The following FANCA variants were observed in gnomAD, a reference collection of about 807,000 sequenced individuals.
FANCA encodes Fanconi anemia group A protein.
Under a neutral mutation model 194.3 loss-of-function variants are expected in FANCA, and 236 were observed. The ratio of observed to expected loss-of-function variants is 1.21; its 90% CI spans 1.09 to 1.35. FANCA has a LOEUF of 1.35. Among genes scored for constraint, FANCA ranks in the 40% most tolerant of loss-of-function variants. The pLI is 0.00. For synonymous variants in FANCA, 1,014 were observed against 715.8 expected (o/e 1.42, Z -6.65); for missense variants, 2,628 against 1,813.9 (o/e 1.45, Z -8.15).
intron 17 of FANCA, among the ~76,000 whole-genome samples, chr16:89,780,677 C>G (rs961239444): frequency 1.3e-5 from 2 of 151,056 alleles, no homozygotes; most frequent in Non-Finnish European, 2.9e-5. Context: ...ATCTGTAATC[C>G]CAGCATTTTG....
chr16:89,810,584 C>T, intron 5 of FANCA, 123 bp downstream of exon 5: 4 of 767,296 alleles, frequency 5.2e-6, no homozygotes, highest in African/African-American at 1.7e-5. Context: ...TTCATCCACT[C>T]TCTGTAATTA....
chr16:89,738,893 G>C lies in FANCA; in HGVS notation c.4249C>G (p.His1417Asp), dbSNP rs17227403. Residue 1417 changes from histidine to aspartate, a missense_variant, in exon 42 of 43, where the codon CAC becomes GAC. Coordinates refer to ENST00000389301, the MANE Select transcript of FANCA (RefSeq NM_000135.4). Reference protein sequence around the residue: ...IPRCPKKSFSHVAELLADRGD... With the variant: ...IPRCPKKSFSDVAELLADRGD... ...CATCTTGACGTTACCTCTGCCACGT[G>C]TGAGAAGCTCTTTTTCGGGCACCGA... 4.1e-3 allele frequency: 6,657 copies of C among 1,614,250 alleles called. 16 individuals carry two copies. Among genetic ancestry groups the C allele is most frequent in the Non-Finnish European group, 4.5e-3 (5,354 of 1,180,046 alleles).
chr16:89,789,436 CTTTTTTTT>C (rs532159256), intron 14 of FANCA, among the ~76,000 whole-genome samples: 4 of 102,556 alleles, frequency 3.9e-5, no homozygotes, highest in South Asian at 3.3e-4. Context: ...AAACTCAATA[CTTTTTTTT>C]TTTTTTTTTT....
At chr16:89,790,752 AG>A (rs1567634911) in intron 14 of FANCA, among the ~76,000 whole-genome samples, 1 of 151,110 alleles carries the variant, frequency 6.6e-6, no homozygotes, top group Non-Finnish European at 1.5e-5. Flanking sequence ...AAAAAAAAAA[AG>A]GGAAAATAAG....
rs1235279691 is a variant in FANCA at position 89,779,922 on chromosome 16, G to T, written c.1662C>A (p.Ala554=). 1 of 1,614,020 alleles carries T rather than the reference G, an allele frequency of 6.2e-7. No individual in the cohort carries two copies. The highest frequency in any genetic ancestry group is 8.5e-7 in the Non-Finnish European group (1 of 1,180,044). ...TCCCCGTATGCTCAAACACCATGAT[G>T]GCCTTTTCAACATCCTGAAGAGCTT... ...HSQALQDVEK[A]IMVFEHTGNI... The change falls in exon 18 of 43, where the codon GCC becomes GCA. Residue 554 remains alanine (A), a synonymous_variant. Coordinates refer to ENST00000389301, the MANE Select transcript of FANCA (RefSeq NM_000135.4).
chr16:89,793,032 T>C (rs2040129809), intron 11 of FANCA, among the ~76,000 whole-genome samples: 1 of 152,172 alleles, frequency 6.6e-6, no homozygotes, highest in Admixed American at 6.5e-5. Context: ...GAAGGTGGAC[T>C]AGGAGCGTGA....
Position 89,740,009 on chromosome 16 carries a change from GAA to G in FANCA, c.3917_3918del (p.Phe1306SerfsTer6), listed in dbSNP as rs1281446470. The G allele has an allele frequency of 1.2e-6, 2 of 1,614,082 alleles. No individual in the cohort carries two copies. Among genetic ancestry groups the G allele is most frequent in the Non-Finnish European group, 1.7e-6 (2 of 1,180,020 alleles). On this transcript the variant is annotated frameshift_variant, in exon 39 of 43. Transcript: ENST00000389301. LOFTEE classifies it high-confidence loss of function. ...EKRKISWLAL[F>X]QLTESDLRLG... ...TGTTTCTTACCACTCTCTGTCAACT[GAA>G]AGAGTGCCAGCCAGGATATCTTCCT...
In FANCA at chr16:89,767,253, A is replaced by G. The variant is rs2039161791; in HGVS notation, c.2505-16T>C. On this transcript the variant is annotated splice_polypyrimidine_tract_variant and intron_variant, in intron 26 of 42. Coordinates refer to ENST00000389301, the MANE Select transcript of FANCA (RefSeq NM_000135.4). ...TGTACAAAATCTGAAAACAGAAATTATAACATATAAATGTAATCCATACAA... is the reference window on the plus strand; with the variant it reads ...TGTACAAAATCTGAAAACAGAAATTGTAACATATAAATGTAATCCATACAA... 1.9e-6 allele frequency: 3 copies of G among 1,538,578 alleles called. No homozygotes were observed. Among genetic ancestry groups the G allele is most frequent in the South Asian group, 2.2e-5 (2 of 89,556 alleles).
At chr16:89,770,401 C>T (rs1007576991) in intron 24 of FANCA, 142 bp from the exon 25 acceptor site, 9 of 1,023,890 alleles carry the variant, frequency 8.8e-6, no homozygotes, top group East Asian at 5.2e-5. Flanking sequence ...AACCCATCTT[C>T]TGCAGTGCTT....
At chr16:89,781,827 A>T (rs963713970) in intron 17 of FANCA, among the ~76,000 whole-genome samples, 2 of 141,690 alleles carry the variant, frequency 1.4e-5, no homozygotes, top group African/African-American at 5.3e-5. Context: ...GTGAAACCTC[A>T]TCTCTACTAA....
chr16:89,769,810 A>G (rs1173321816), intron 26 of FANCA, 27 bp downstream of exon 26: 1 of 1,612,872 alleles, frequency 6.2e-7, no homozygotes, highest in Admixed American at 1.7e-5. Context: ...AGAGGAGAGA[A>G]GACGCGACTG....
intron 21 of FANCA, 82 bp downstream of exon 21, chr16:89,775,660 G>C (rs928606764): frequency 1.3e-5 from 15 of 1,168,704 alleles, no homozygotes; most frequent in South Asian, 3.9e-5. Flanking sequence ...GCTCACTCGG[G>C]TGGTGTAGCA....
chr16:89,783,332 C>A (rs12929129), intron 15 of FANCA, among the ~76,000 whole-genome samples: 1 of 151,242 alleles, frequency 6.6e-6, no homozygotes, highest in Non-Finnish European at 1.5e-5. Flanking sequence ...GGGCAGATCA[C>A]GAGGTCAGGA....
At position 89,808,151 on chromosome 16, in the gene FANCA, A is replaced by C. The variant is rs11076627; in HGVS notation, c.596+143T>G. The C allele has an allele frequency of 0.45, 351,208 of 775,666 alleles. 88,063 individuals are homozygous for C. Among genetic ancestry groups the C allele is most frequent in the East Asian group, 0.97 (39,774 of 40,862 alleles). 48.0% of individuals were successfully genotyped at this position (775,666 alleles called of 1,614,324 possible). ...ATAGTTCCTCCAGGTCTAGTCTAGT[A>C]TAAATATGCAATGCAATCTAGTCTA... On this transcript the variant is annotated intron_variant, in intron 6 of 42. Transcript: ENST00000389301.
chr16:89,786,183 T>C (rs1009358875), intron 14 of FANCA, among the ~76,000 whole-genome samples: 9 of 39,096 alleles, frequency 2.3e-4, no homozygotes, highest in African/African-American at 2.1e-3. Context: ...CAAGCCCGGT[T>C]TTTTTTTTCC....
rs1268725763 is a variant in FANCA, at chr16:89,814,585, G to A, written c.218C>T (p.Ser73Phe). The A allele has an allele frequency of 1.6e-5, 26 of 1,613,852 alleles. No homozygotes were observed. The highest frequency in any genetic ancestry group is 1.7e-4 in the Middle Eastern group (1 of 6,060). ...EVEGPLCKKL[S>F]LSKVIDCDSS... ...GTCACAGTCAATCACTTTGCTGAGA[G>A]ACAATTTTTTACACAGTGGACCTTC... The change falls in exon 3 of 43, where the codon TCT (serine) becomes TTT (phenylalanine). Residue 73 changes from serine (S) to phenylalanine (F), a missense_variant. By Grantham distance (155) the Ser-to-Phe change is radical (BLOSUM62 -2). Coordinates refer to ENST00000389301, the MANE Select transcript of FANCA (RefSeq NM_000135.4).
In FANCA at chr16:89,796,016, A is replaced by G. The variant is rs1369220345; in HGVS notation, c.896T>C (p.Phe299Ser). Residue 299 changes from phenylalanine (F) to serine (S), a missense_variant and splice_region_variant, in exon 11 of 43, where the codon TTC becomes TCC. Physicochemically the swap from Phe to Ser is radical, Grantham distance 155. Transcript: ENST00000389301. The stretch of plus-strand genomic sequence containing the variant: ...AAGCGTGTGTCCACTGAACACTCCG[A>G]ACCTGCCAATGCAGCAGAAAGAGGG... ...SSTHKIVRCW[F>S]GVFSGHTLGS... is the part of the protein sequence containing the mutation. The G allele has an allele frequency of 2.5e-6, 4 of 1,613,312 alleles. No individual in the cohort carries two copies. The highest frequency in any genetic ancestry group is 1.7e-5 in the Admixed American group (1 of 60,002).
chr16:89,799,447 C>T (rs1316846625), intron 9 of FANCA, among the ~76,000 whole-genome samples, 158 bp downstream of exon 9: 1 of 152,212 alleles, frequency 6.6e-6, no homozygotes, highest in Non-Finnish European at 1.5e-5. Flanking sequence ...CCCTTCACAG[C>T]TCTGAAAATG....
chr16:89,816,589 G>A lies in FANCA; in HGVS notation c.27C>T (p.Ser9=), dbSNP rs540584108. 13 of 1,525,936 alleles carry A rather than the reference G, an allele frequency of 8.5e-6. No individual in the cohort carries two copies. In the African/African-American group the frequency reaches 1.3e-4, roughly 15 times the overall value. The allele number at this position is 1,525,936 out of a possible 1,614,324, so 94.5% of individuals were successfully genotyped here. Reference sequence around the variant, plus strand: ...GGCCCCCTGGGTCCTGGCCCGAGGCGGAGTTCGGGACCCACGAGTCGGACA... The same window carrying A: ...GGCCCCCTGGGTCCTGGCCCGAGGCAGAGTTCGGGACCCACGAGTCGGACA... MSDSWVPN[S]ASGQDPGGRR... The change falls in exon 1 of 43, where the codon TCC becomes TCT. Residue 9 remains serine, a synonymous_variant. Transcript: ENST00000389301.
Sources: gnomAD v4.1 joint callset for allele counts (sites outside exome capture counted in the v4.1 genomes callset) on GRCh38, gnomAD v4.1.1 for gene constraint, MANE v1.5 for transcripts, NCBI Gene and HGNC (gene_info 2026-07-23, HGNC 2026-07-21) for gene names.